The following NT5C2 variants were observed in gnomAD, a reference collection of about 807,000 sequenced individuals.
NT5C2 encodes 5'-nucleotidase, cytosolic II, also known as cytosolic purine 5'-nucleotidase.
In NT5C2, 58 loss-of-function variants were observed where a neutral mutation model predicts 76.1. The observed-to-expected ratio is 0.76, with a 90% CI of 0.62 to 0.95. The LOEUF is 0.95. NT5C2 is among the 40% of genes least tolerant of loss of function. The pLI is 0.00. For missense variants in NT5C2, 478 were observed against 690.3 expected (o/e 0.69, Z 3.45); for synonymous variants, 229 against 237.4 (o/e 0.96, Z 0.32).
At chr10:103,142,426 C>T (rs2080624706) in intron 3 of NT5C2, among the ~76,000 whole-genome samples, 1 of 152,010 alleles carries the variant, frequency 6.6e-6, no homozygotes, top group South Asian at 2.1e-4. Flanking sequence ...CCTGTAATCC[C>T]AGTACTTTAC....
chr10:103,089,882 G>A lies in NT5C2; in HGVS notation c.1476C>T (p.His492=). 6.2e-7 allele frequency: 1 copy of A among 1,608,940 alleles called. No individual in the cohort carries two copies. The change falls in exon 19 of 19, where the codon CAC becomes CAT. Residue 492 remains histidine (H), a synonymous_variant. Transcript: ENST00000404739. ...CCATCTCATTGATATCTACGTGTGTGTGCTCCACCGTTGATTCATGAGGCA... is the reference window on the plus strand; with the variant it reads ...CCATCTCATTGATATCTACGTGTGTATGCTCCACCGTTGATTCATGAGGCA... ...VLMPHESTVE[H]THVDINEMES...
At chr10:103,101,152 CTT>C (rs2069523187) in intron 7 of NT5C2, 50 bp from the exon 8 acceptor site, 2 of 1,459,486 alleles carry the variant, frequency 1.4e-6, no homozygotes, top group African/African-American at 1.4e-5. Context: ...ATAATTCAAA[CTT>C]ATTTCATTAC....
intron 3 of NT5C2, among the ~76,000 whole-genome samples, chr10:103,146,951 A>G (rs974082185): frequency 1.3e-5 from 2 of 152,266 alleles, no homozygotes; most frequent in African/African-American, 4.8e-5. Flanking sequence ...TGACACATAC[A>G]GAAATTTTAA....
rs900240769 is a variant in NT5C2, at chr10:103,100,635, G to A, written c.539+410C>T. On this transcript the variant is annotated intron_variant, in intron 8 of 18. Transcript: ENST00000404739. ...AGTATTTATTCCTTAATCAAATCTT[G>A]CCTGGCCTGGGAATGAAATTAAATT... 3 of 464,462 alleles carry A rather than the reference G, an allele frequency of 6.5e-6. No homozygotes were observed. In the Admixed American group the frequency reaches 7.0e-5, roughly 11 times the overall value. 28.8% of individuals were successfully genotyped at this position (464,462 alleles called of 1,614,324 possible).
intron 4 of NT5C2, among the ~76,000 whole-genome samples, chr10:103,135,966 A>G (rs1256278669): frequency 6.6e-6 from 1 of 151,984 alleles, no homozygotes; most frequent in Non-Finnish European, 1.5e-5. Context: ...GGGCACCTGT[A>G]ATCCCAGCTA....
chr10:103,114,429 A>AT (rs2073869174), intron 4 of NT5C2, among the ~76,000 whole-genome samples: 1 of 152,014 alleles, frequency 6.6e-6, no homozygotes, highest in Non-Finnish European at 1.5e-5. Context: ...AAATAAATAA[A>AT]AAATAAAAAT....
In NT5C2 at chr10:103,089,334, C is replaced by CTCTT. The variant is rs531971597; in HGVS notation, c.*334_*337dup. On this transcript the variant is annotated 3_prime_UTR_variant, in exon 19 of 19. Transcript: ENST00000404739. ...TCCCACTCTTTGTTCCACTCTGAGA[C>CTCTT]TCTTTCCTTTTCCTCGTGTATCCAG... 1.4e-3 allele frequency: 359 copies of CTCTT among 254,028 alleles called. No individual in the cohort carries two copies. Among genetic ancestry groups the CTCTT allele is most frequent in the Non-Finnish European group, 2.2e-3 (298 of 132,466 alleles). 15.7% of individuals were successfully genotyped at this position (254,028 alleles called of 1,614,324 possible).
chr10:103,124,449 T>C (rs1352205384), intron 4 of NT5C2, among the ~76,000 whole-genome samples: 2 of 152,196 alleles, frequency 1.3e-5, no homozygotes, highest in African/African-American at 2.4e-5. Context: ...TTCCATAATA[T>C]ATAGAAGTGT....
intron 6 of NT5C2, 48 bp downstream of exon 6, chr10:103,105,658 T>C (rs1269833565): frequency 3.3e-6 from 4 of 1,204,262 alleles, no homozygotes; most frequent in Middle Eastern, 3.8e-4. Flanking sequence ...CATCTTCACA[T>C]TGTTTGACTT....
chr10:103,136,651 G>T (rs1200585984), intron 4 of NT5C2, among the ~76,000 whole-genome samples: 5 of 150,076 alleles, frequency 3.3e-5, no homozygotes, highest in African/African-American at 9.8e-5. Context: ...TTGAGACACG[G>T]TCTCACTCTG....
At chr10:103,192,213 T>C (rs1461901491) in intron 1 of NT5C2, among the ~76,000 whole-genome samples, 1 of 152,128 alleles carries the variant, frequency 6.6e-6, no homozygotes, top group Non-Finnish European at 1.5e-5. Context: ...AAATGAATAG[T>C]CTACAGACAC....
chr10:103,163,342 T>TA (rs1403334521), intron 3 of NT5C2, among the ~76,000 whole-genome samples: 1 of 152,214 alleles, frequency 6.6e-6, no homozygotes, highest in East Asian at 1.9e-4. Context: ...TCTAACTTGA[T>TA]AAGAAACTGC....
chr10:103,187,205 G>A (rs773174499), intron 1 of NT5C2, among the ~76,000 whole-genome samples: 21 of 151,480 alleles, frequency 1.4e-4, no homozygotes, highest in Non-Finnish European at 2.2e-4. Context: ...CGCTGAGAGC[G>A]CACCTCTACA....
intron 3 of NT5C2, among the ~76,000 whole-genome samples, chr10:103,166,821 C>G (rs1199682055): frequency 6.6e-6 from 1 of 151,866 alleles, no homozygotes; most frequent in African/African-American, 2.4e-5. Context: ...CTCAGCTAAT[C>G]TTTTTACTTT....
intron 2 of NT5C2, among the ~76,000 whole-genome samples, chr10:103,180,624 G>A (rs2090880293): frequency 6.6e-6 from 1 of 152,116 alleles, no homozygotes; most frequent in African/African-American, 2.4e-5. Flanking sequence ...CCAGCTACTT[G>A]GGAGGATCAC....
intron 1 of NT5C2, among the ~76,000 whole-genome samples, chr10:103,190,132 C>G (rs377022148): frequency 6.7e-6 from 1 of 149,552 alleles, no homozygotes; most frequent in Non-Finnish European, 1.5e-5. Flanking sequence ...TCCCAAGTAG[C>G]TGGGATTACA....
chr10:103,130,583 T>TAAAAAAAAAA (rs5787482), intron 4 of NT5C2, among the ~76,000 whole-genome samples: 2 of 137,368 alleles, frequency 1.5e-5, no homozygotes, highest in Non-Finnish European at 3.1e-5. Flanking sequence ...AAATAAAAAT[T>TAAAAAAAAAA]AAAAAAAAAA....
chr10:103,154,942 T>C (rs570984845), intron 3 of NT5C2, among the ~76,000 whole-genome samples: 9 of 152,302 alleles, frequency 5.9e-5, no homozygotes, highest in Admixed American at 5.9e-4. Context: ...GAAATAAATG[T>C]AATTACTATT....
chr10:103,134,703 A>T (rs1213345354), intron 4 of NT5C2, among the ~76,000 whole-genome samples: 1 of 152,018 alleles, frequency 6.6e-6, no homozygotes, highest in African/African-American at 2.4e-5. Context: ...AGAATAATAG[A>T]TCCACTGACA....
Sources: allele counts gnomAD v4.1 joint callset (sites outside exome capture counted in the v4.1 genomes callset), GRCh38; gene constraint gnomAD v4.1.1; transcripts MANE v1.5; gene names NCBI Gene and HGNC (gene_info 2026-07-23, HGNC 2026-07-21).